Variants in PKIA observed in about 807,000 individuals in gnomAD.
PKIA encodes the protein cAMP-dependent protein kinase inhibitor alpha, also known as PKI-alpha.
In PKIA, 4 loss-of-function variants were observed where a neutral mutation model predicts 7.6. The observed-to-expected ratio is 0.52, with a 90% CI of 0.26 to 1.20. The LOEUF is 1.20. Among genes scored for constraint, PKIA ranks in the 50% most tolerant of loss-of-function variants. PKIA has a pLI of 0.13. For synonymous variants in PKIA, 21 were observed against 30.7 expected (o/e 0.68, Z 1.04); for missense variants, 73 against 86.2 (o/e 0.85, Z 0.61).
At chr8:78,546,499 A>G (rs1383422225) in intron 1 of PKIA, among the ~76,000 whole-genome samples, 7 of 152,210 alleles carry the variant, frequency 4.6e-5, no homozygotes, top group African/African-American at 1.7e-4. Context: ...TGTCACATAC[A>G]AACTTTTGAC....
At chr8:78,520,944 A>T (rs1279753112) in intron 1 of PKIA, among the ~76,000 whole-genome samples, 1 of 152,100 alleles carries the variant, frequency 6.6e-6, no homozygotes, top group African/African-American at 2.4e-5. Flanking sequence ...TTAAGACCTG[A>T]AATGAGAGCC....
chr8:78,585,428 GAAGAA>G (rs1488831260), intron 2 of PKIA, among the ~76,000 whole-genome samples: 1 of 152,058 alleles, frequency 6.6e-6, no homozygotes, highest in Non-Finnish European at 1.5e-5. Flanking sequence ...CAGTGTCAGA[GAAGAA>G]GAGTATTACA....
chr8:78,584,753 A>G (rs1807908819), intron 2 of PKIA, among the ~76,000 whole-genome samples: 1 of 152,108 alleles, frequency 6.6e-6, no homozygotes, highest in Non-Finnish European at 1.5e-5. Context: ...TGCAGAAAAC[A>G]CTTTTCTAAA....
intron 2 of PKIA, among the ~76,000 whole-genome samples, chr8:78,578,734 C>T (rs1221780756): frequency 6.6e-6 from 1 of 151,784 alleles, no homozygotes; most frequent in Non-Finnish European, 1.5e-5. Flanking sequence ...GTGATGCCTC[C>T]ATTTCTTAGT....
intron 1 of PKIA, among the ~76,000 whole-genome samples, chr8:78,568,800 C>T (rs1220938287): frequency 6.6e-6 from 1 of 152,154 alleles, no homozygotes; most frequent in African/African-American, 2.4e-5. Context: ...GTACACCTCT[C>T]CAGTAAAACC....
intron 1 of PKIA, among the ~76,000 whole-genome samples, chr8:78,540,080 G>T (rs1305142722): frequency 1.3e-4 from 18 of 139,772 alleles, no homozygotes; most frequent in Non-Finnish European, 2.4e-4. Flanking sequence ...AAGAAATGAA[G>T]TAAAAAAAAA....
rs192673940 is a variant in PKIA, at chr8:78,595,228, T to G, written c.-27-3130T>G. 4.2e-3 allele frequency among the ~76,000 whole-genome samples: 642 copies of G among 152,126 alleles called. 4 individuals carry two copies. Among genetic ancestry groups the G allele is most frequent in the African/African-American group, 0.015 (616 of 41,506 alleles). On this transcript the variant is annotated intron_variant, in intron 2 of 3. Coordinates refer to ENST00000396418, the MANE Select transcript of PKIA (RefSeq NM_006823.4). ...TCTTGATGCTAATAAAAAAACTACA[T>G]AAAGTAGTGGGTAACTGATTCACGT...
At chr8:78,599,102 C>T (rs563489827) in intron 3 of PKIA, among the ~76,000 whole-genome samples, 1 of 152,180 alleles carries the variant, frequency 6.6e-6, no homozygotes, top group East Asian at 1.9e-4. Context: ...TGTCTCCTTA[C>T]TGGGCCTTGA....
At chr8:78,521,158 A>G (rs937341984) in intron 1 of PKIA, among the ~76,000 whole-genome samples, 7 of 152,130 alleles carry the variant, frequency 4.6e-5, no homozygotes, top group Non-Finnish European at 1.0e-4. Flanking sequence ...GTATTGTACT[A>G]CCACATATGT....
chr8:78,530,273 A>T (rs963021717), intron 1 of PKIA, among the ~76,000 whole-genome samples: 2 of 152,030 alleles, frequency 1.3e-5, no homozygotes, highest in Non-Finnish European at 2.9e-5. Context: ...CAGTATACAC[A>T]ATTACTAAGT....
chr8:78,532,415 C>T (rs1806410239), intron 1 of PKIA, among the ~76,000 whole-genome samples: 1 of 151,592 alleles, frequency 6.6e-6, no homozygotes, highest in Admixed American at 6.6e-5. Flanking sequence ...TAACTGCTTC[C>T]CTAAGAAAGA....
intron 1 of PKIA, among the ~76,000 whole-genome samples, chr8:78,517,625 T>G (rs929919662): frequency 2.0e-5 from 3 of 152,170 alleles, no homozygotes; most frequent in African/African-American, 7.2e-5. Flanking sequence ...AATCTAAGCC[T>G]CTGGTTGAGT....
chr8:78,557,618 A>G lies in PKIA; in HGVS notation c.-156-15193A>G, dbSNP rs556674649. On this transcript the variant is annotated intron_variant, in intron 1 of 3. Transcript: ENST00000396418. ...TTACTTGGCTGTCAGCTGCTAGGGG[A>G]GTTTATTTATGTTCTCTTAATATTC... Among the ~76,000 whole-genome samples the G allele has an allele frequency of 2.0e-3, 305 of 152,230 alleles. 1 individual carries two copies. The highest frequency in any genetic ancestry group is 7.2e-3 in the African/African-American group (298 of 41,548).
intron 2 of PKIA, among the ~76,000 whole-genome samples, chr8:78,577,139 G>A: frequency 6.6e-6 from 1 of 151,950 alleles, no homozygotes; most frequent in Non-Finnish European, 1.5e-5. Context: ...AAGTTCTAGG[G>A]TACATGTGCA....
intron 1 of PKIA, among the ~76,000 whole-genome samples, chr8:78,559,327 G>C (rs1807228874): frequency 6.6e-6 from 1 of 152,138 alleles, no homozygotes; most frequent in Non-Finnish European, 1.5e-5. Context: ...GTGGAAAGGG[G>C]TTCCTGGGGG....
In PKIA at chr8:78,605,135, A is replaced by T. The variant is rs1417278335; in HGVS notation, c.*3314A>T. ...TCTATGATTTATGATGTCTTAATAG[A>T]CCCTAAATTGTTCTTTAATTACAAG... On this transcript the variant is annotated 3_prime_UTR_variant, in exon 4 of 4. Transcript: ENST00000396418. 2 of 151,896 alleles carry T rather than the reference A, an allele frequency of 1.3e-5. No homozygotes were observed. Among genetic ancestry groups the T allele is most frequent in the Non-Finnish European group, 2.9e-5 (2 of 67,912 alleles). The allele number at this position is 151,896 out of a possible 1,614,324, so 9.4% of individuals were successfully genotyped here.
chr8:78,587,258 T>C (rs1258249068), intron 2 of PKIA, among the ~76,000 whole-genome samples: 2 of 152,112 alleles, frequency 1.3e-5, no homozygotes, highest in African/African-American at 4.8e-5. Flanking sequence ...ACAGAGCCAG[T>C]AAAGGAAAAG....
chr8:78,595,776 G>A (rs1435269741), intron 2 of PKIA, among the ~76,000 whole-genome samples: 1 of 152,162 alleles, frequency 6.6e-6, no homozygotes, highest in Non-Finnish European at 1.5e-5. Context: ...GTCCACTGTT[G>A]ATGGGCATTT....
intron 1 of PKIA, among the ~76,000 whole-genome samples, chr8:78,565,190 A>C (rs1807373479): frequency 7.0e-6 from 1 of 142,878 alleles, no homozygotes; most frequent in Admixed American, 6.8e-5. Context: ...TTTTAGAAAA[A>C]ATTTCAAGAT....
Sources: allele counts gnomAD v4.1 joint callset (sites outside exome capture counted in the v4.1 genomes callset), GRCh38; gene constraint gnomAD v4.1.1; transcripts MANE v1.5; gene names NCBI Gene and HGNC (gene_info 2026-07-23, HGNC 2026-07-21).